Variants in GBP2 observed in about 807,000 individuals in gnomAD.
GBP2 encodes the protein guanylate-binding protein 2.
GBP2 carries 54 observed loss-of-function variants against 60.8 expected under a neutral mutation model. That is an observed-to-expected ratio of 0.89 (90% CI 0.71 to 1.11). GBP2 has a LOEUF of 1.11. Ranked by LOEUF, GBP2 falls within the 50% of genes most tolerant of loss-of-function variation. GBP2 has a pLI of 0.00. For synonymous variants in GBP2, 243 were observed against 256.5 expected (o/e 0.95, Z 0.50); for missense variants, 665 against 703.3 (o/e 0.95, Z 0.62).
At chr1:89,122,233 T>A (rs1367907766) in intron 1 of GBP2, among the ~76,000 whole-genome samples, 1 of 152,166 alleles carries the variant, frequency 6.6e-6, no homozygotes, top group African/African-American at 2.4e-5. Context: ...ATATATCATT[T>A]CCCCTAAAGT....
At chr1:89,124,427 A>C (rs1329979702) in intron 1 of GBP2, among the ~76,000 whole-genome samples, 2 of 152,218 alleles carry the variant, frequency 1.3e-5, no homozygotes, top group African/African-American at 2.4e-5. Flanking sequence ...ACTTAATTAC[A>C]AAATTTTCTT....
chr1:89,125,109 T>G (rs944183754), intron 1 of GBP2, among the ~76,000 whole-genome samples: 2 of 152,244 alleles, frequency 1.3e-5, no homozygotes, highest in African/African-American at 4.8e-5. Flanking sequence ...TTGCCTTGAA[T>G]GTCTCAATCC....
rs145049547 is a variant in GBP2 at position 89,121,747 on chromosome 1, G to A, written c.190+30C>T. 18 of 1,605,664 alleles carry A rather than the reference G, an allele frequency of 1.1e-5. No homozygotes were observed. The African/African-American group carries it at 2.0e-4, about 18-fold the overall frequency. On this transcript the variant is annotated intron_variant, in intron 2 of 10. Coordinates refer to ENST00000370466, the MANE Select transcript of GBP2 (RefSeq NM_004120.5). ...ATGTTCGCCGTGTGTACGGACAGAA[G>A]GGGCTTAGAGCTTTGCTGGTGTCAC...
At chr1:89,109,901 T>A (rs750396636) in intron 9 of GBP2, 31 bp from the exon 10 acceptor site, 1 of 1,576,890 alleles carries the variant, frequency 6.3e-7, no homozygotes, top group Non-Finnish European at 8.7e-7. Context: ...GAAAAAGATA[T>A]GAATATTCAA....
chr1:89,123,916 A>G (rs1681461387), intron 1 of GBP2, among the ~76,000 whole-genome samples: 1 of 152,054 alleles, frequency 6.6e-6, no homozygotes, highest in South Asian at 2.1e-4. Flanking sequence ...TAGATATCCA[A>G]TCTTGTTAGT....
At chr1:89,125,698 A>G (rs915308542) in intron 1 of GBP2, among the ~76,000 whole-genome samples, 165 bp downstream of exon 1, 1 of 152,266 alleles carries the variant, frequency 6.6e-6, no homozygotes, top group Non-Finnish European at 1.5e-5. Flanking sequence ...AGTTCACAGC[A>G]GGAGCAGAGA....
Position 89,121,945 on chromosome 1 carries a change from G to A in GBP2, c.22C>T (p.Pro8Ser). The A allele has an allele frequency of 3.7e-6, 6 of 1,612,956 alleles. No homozygotes were observed. The highest frequency in any genetic ancestry group is 3.3e-4 in the Middle Eastern group (2 of 6,054). Residue 8 changes from proline (P) to serine (S), a missense_variant, in exon 2 of 11, where the codon CCG becomes TCG. Physicochemically the swap from Pro to Ser is moderately conservative, Grantham distance 74. Coordinates refer to ENST00000370466, the MANE Select transcript of GBP2 (RefSeq NM_004120.5). The part of the protein sequence containing the change: MAPEINL[P>S]GPMSLIDNTK... The stretch of plus-strand genomic sequence containing the variant: ...TTATCAATGAGGCTCATTGGGCCCG[G>A]CAAGTTGATCTCTGGAGCCATGTCC...
intron 10 of GBP2, among the ~76,000 whole-genome samples, 198 bp from the exon 11 acceptor site, chr1:89,108,489 T>A (rs1348196564): frequency 2.0e-5 from 3 of 152,378 alleles, no homozygotes; most frequent in African/African-American, 7.2e-5. Context: ...AAAATATTAG[T>A]GACCCAGCGT....
Position 89,106,864 on chromosome 1 carries a change from AGGT to A in GBP2, c.*1308_*1310del, listed in dbSNP as rs1247488949. ...GAGTATTTGTTTACTGAAAATGTGA[AGGT>A]GGTGGCATCCATTTACTCATAGCTG... is the stretch of plus-strand genomic sequence containing the variant. On this transcript the variant is annotated 3_prime_UTR_variant, in exon 11 of 11. Coordinates refer to ENST00000370466, the MANE Select transcript of GBP2 (RefSeq NM_004120.5). The A allele has an allele frequency of 6.6e-6, 1 of 152,194 alleles. No individual in the cohort carries two copies. The highest frequency in any genetic ancestry group is 1.5e-5 in the Non-Finnish European group (1 of 68,040). 9.4% of individuals were successfully genotyped at this position (152,194 alleles called of 1,614,324 possible).
chr1:89,111,171 T>C (rs1008939801), intron 8 of GBP2, among the ~76,000 whole-genome samples: 2 of 152,154 alleles, frequency 1.3e-5, no homozygotes, highest in Non-Finnish European at 2.9e-5. Flanking sequence ...ATAAAATCCA[T>C]GTATGACAGA....
At chr1:89,119,239 G>GCCAAAACAAATTCCTAAAATGTTGA (rs1681346400) in intron 4 of GBP2, 1 of 152,172 alleles carries the variant, frequency 6.6e-6, no homozygotes, top group African/African-American at 2.4e-5. Flanking sequence ...ATTTCAGAAA[G>GCCAAAACAAATTCCTAAAATGTTGA]GTGGAAGGGA....
At chr1:89,116,227 G>C (rs1332905183) in intron 6 of GBP2, among the ~76,000 whole-genome samples, 1 of 151,978 alleles carries the variant, frequency 6.6e-6, no homozygotes, top group African/African-American at 2.4e-5. Context: ...TGCCCAGGCT[G>C]GTCTCAAACT....
At chr1:89,115,583 T>C (rs1486257672) in intron 6 of GBP2, among the ~76,000 whole-genome samples, 1 of 152,092 alleles carries the variant, frequency 6.6e-6, no homozygotes, top group Non-Finnish European at 1.5e-5. Context: ...CTTGTTCCAA[T>C]CGCCTGTCTT....
At chr1:89,120,379 GTC>G (rs1681374659) in intron 3 of GBP2, 91 bp from the exon 4 acceptor site, 1 of 1,047,024 alleles carries the variant, frequency 9.6e-7, no homozygotes. Context: ...CTCCAACTCT[GTC>G]TCTCATTAGT....
At chr1:89,108,358 T>A in intron 10 of GBP2, 67 bp from the exon 11 acceptor site, 1 of 949,002 alleles carries the variant, frequency 1.1e-6, no homozygotes, top group Non-Finnish European at 1.7e-6. Flanking sequence ...GTTCCCCTTT[T>A]GGTACTTATA....
chr1:89,119,196 T>G (rs540007027), intron 4 of GBP2: 1 of 152,272 alleles, frequency 6.6e-6, no homozygotes, highest in African/African-American at 2.4e-5. Flanking sequence ...AAATGTGGTA[T>G]TCTAATAGGA....
In GBP2 at chr1:89,121,174, A is replaced by G. The variant is rs1439880872; in HGVS notation, c.287T>C (p.Leu96Pro). 5 of 1,612,868 alleles carry G rather than the reference A, an allele frequency of 3.1e-6. No homozygotes were observed. The highest frequency in any genetic ancestry group is 4.2e-6 in the Non-Finnish European group (5 of 1,179,418). Residue 96 changes from leucine (L) to proline (P), a missense_variant, in exon 3 of 11, where the codon CTC (leucine) becomes CCC (proline). Leu to Pro is a moderately conservative substitution (Grantham distance 98). Coordinates refer to ENST00000370466, the MANE Select transcript of GBP2 (RefSeq NM_004120.5). ...PKKPEHTLVL[L>P]DTEGLGDIEK... ...TATATCTCCCAGGCCCTCAGTGTCG[A>G]GCAGAACTAGGGTGTGTTCTGGCTT...
intron 8 of GBP2, 99 bp downstream of exon 8, chr1:89,112,373 C>G: frequency 1.1e-6 from 1 of 919,258 alleles, no homozygotes; most frequent in Non-Finnish European, 1.7e-6. Context: ...AGGCAGAGGC[C>G]CTAGGCACCA....
chr1:89,110,292 GAAGA>G, intron 8 of GBP2, 26 bp from the exon 9 acceptor site: 1 of 1,554,874 alleles, frequency 6.4e-7, no homozygotes, highest in South Asian at 1.1e-5. Context: ...AAGGTAGAAT[GAAGA>G]AAGAGTGATT....
Sources: gnomAD v4.1 joint callset for allele counts (sites outside exome capture counted in the v4.1 genomes callset) on GRCh38, gnomAD v4.1.1 for gene constraint, MANE v1.5 for transcripts, NCBI Gene and HGNC (gene_info 2026-07-23, HGNC 2026-07-21) for gene names.